Variants in KLF8 observed in about 807,000 individuals in gnomAD.
KLF8 encodes Krueppel-like factor 8.
In KLF8, 10 loss-of-function variants were observed where a neutral mutation model predicts 18.2. The observed-to-expected ratio is 0.55, with a 90% CI of 0.34 to 0.93. The LOEUF (loss-of-function observed/expected upper bound fraction) is 0.93, where lower values mean the gene tolerates loss of function less well. Among genes scored for constraint, KLF8 ranks in the 40% least tolerant of loss-of-function variants. KLF8 has a pLI of 0.02. For missense variants in KLF8, 264 were observed against 277.9 expected (o/e 0.95, Z 0.36); for synonymous variants, 109 against 97.3 (o/e 1.12, Z -0.71).
chrX:55,923,766 A>T, the KLF8 span, among the ~76,000 whole-genome samples: 1 of 109,598 alleles, frequency 9.1e-6, no homozygotes, highest in South Asian at 3.9e-4. Flanking sequence ...ATACACATAT[A>T]TATTTGTGTG....
chrX:56,196,381 A>T, the KLF8 span, among the ~76,000 whole-genome samples: 1 of 111,067 alleles, frequency 9.0e-6, no homozygotes, highest in African/African-American at 3.3e-5. Flanking sequence ...AAAGGGATGA[A>T]GGAAGATTTA....
At chrX:55,942,705 C>G in the KLF8 span, among the ~76,000 whole-genome samples, 5 of 110,962 alleles carry the variant, frequency 4.5e-5, no homozygotes, top group Non-Finnish European at 9.4e-5. Context: ...CATCTTTAGG[C>G]TGGTTCCTAG....
chrX:56,038,184 T>C, the KLF8 span, among the ~76,000 whole-genome samples: 2 of 112,489 alleles, frequency 1.8e-5, no homozygotes, highest in South Asian at 3.7e-4. Flanking sequence ...TGAATAGTAC[T>C]CCATTGTGTA....
At chrX:56,133,882 G>A in the KLF8 span, among the ~76,000 whole-genome samples, 5 of 105,874 alleles carry the variant, frequency 4.7e-5, no homozygotes, top group Admixed American at 4.1e-4. Flanking sequence ...TGATCAAGCT[G>A]AGAATTAAAT....
the KLF8 span, among the ~76,000 whole-genome samples, chrX:55,984,883 A>AT: frequency 9.3e-6 from 1 of 108,060 alleles, no homozygotes; most frequent in Non-Finnish European, 1.9e-5. Flanking sequence ...TGATGTTGAG[A>AT]TTTTTTTTCA....
chrX:56,082,174 G>T, the KLF8 span, among the ~76,000 whole-genome samples: 1 of 111,837 alleles, frequency 8.9e-6, no homozygotes, highest in Non-Finnish European at 1.9e-5. Flanking sequence ...TCGTGATCTA[G>T]TCTTGACAGG....
the KLF8 span, among the ~76,000 whole-genome samples, chrX:56,129,014 C>T: frequency 3.6e-5 from 4 of 111,758 alleles, no homozygotes; most frequent in Non-Finnish European, 7.5e-5. Context: ...AATCTTATAC[C>T]AGGTTACACT....
At chrX:55,997,590 C>A in the KLF8 span, among the ~76,000 whole-genome samples, 1 of 111,741 alleles carries the variant, frequency 8.9e-6, no homozygotes, top group Admixed American at 9.5e-5. Context: ...CTGTGTCCTC[C>A]CTCTGTCCAC....
chrX:56,138,503 T>C, the KLF8 span, among the ~76,000 whole-genome samples: 1 of 111,597 alleles, frequency 9.0e-6, no homozygotes, highest in Non-Finnish European at 1.9e-5. Context: ...GGATGCAAGG[T>C]TGGTTAAACA....
the KLF8 span, among the ~76,000 whole-genome samples, chrX:56,167,988 T>C: frequency 8.0e-5 from 9 of 112,170 alleles, no homozygotes; most frequent in African/African-American, 2.9e-4. Context: ...TAAATGGAGC[T>C]ATATCTCCAC....
At chrX:56,001,689 A>G in the KLF8 span, among the ~76,000 whole-genome samples, 1 of 111,926 alleles carries the variant, frequency 8.9e-6, no homozygotes, top group Admixed American at 9.5e-5. Context: ...CCTCATAGTC[A>G]TGCCTCAGCT....
At chrX:55,946,433 A>G in the KLF8 span, among the ~76,000 whole-genome samples, 1 of 111,998 alleles carries the variant, frequency 8.9e-6, no homozygotes, top group African/African-American at 3.2e-5. Context: ...GGCTAGCCAT[A>G]TGTGGAAAGC....
intron 1 of KLF8, among the ~76,000 whole-genome samples, chrX:56,245,898 A>C (rs1160385870): frequency 8.9e-6 from 1 of 112,353 alleles, no homozygotes; most frequent in Non-Finnish European, 1.9e-5. Flanking sequence ...AGCCTTCTTT[A>C]AGACCTTCTG....
chrX:56,039,372 G>T, the KLF8 span, among the ~76,000 whole-genome samples: 1 of 111,489 alleles, frequency 9.0e-6, no homozygotes, highest in Non-Finnish European at 1.9e-5. Context: ...AATCCCTCTT[G>T]AGTTAATTTT....
At chrX:56,080,935 T>C in the KLF8 span, among the ~76,000 whole-genome samples, 1 of 111,358 alleles carries the variant, frequency 9.0e-6, no homozygotes, top group Non-Finnish European at 1.9e-5. Context: ...TTCCAGTTGA[T>C]TGCATCGGCT....
At chrX:56,217,474 G>T in the KLF8 span, among the ~76,000 whole-genome samples, 5 of 109,883 alleles carry the variant, frequency 4.6e-5, no homozygotes, top group Admixed American at 2.0e-4. Context: ...GAGTGCGGTG[G>T]TGCGATCTTG....
the KLF8 span, among the ~76,000 whole-genome samples, chrX:56,190,360 A>G: frequency 9.0e-6 from 1 of 111,620 alleles, no homozygotes; most frequent in Admixed American, 9.6e-5. Context: ...AAAAAGAGAT[A>G]GACCCCAATA....
At chrX:56,243,293 T>C in intron 1 of KLF8, 1 of 394,229 alleles carries the variant, frequency 2.5e-6, no homozygotes, top group Non-Finnish European at 4.7e-6. Context: ...GTGGATCTTC[T>C]TTTTTGTGTG....
chrX:56,226,772 T>G, the KLF8 span, among the ~76,000 whole-genome samples: 2 of 112,213 alleles, frequency 1.8e-5, no homozygotes, highest in Non-Finnish European at 3.8e-5. Flanking sequence ...TTATTTCACC[T>G]TAGGAAGTAA....
Sources: gnomAD v4.1 joint callset for allele counts (sites outside exome capture counted in the v4.1 genomes callset) on GRCh38, gnomAD v4.1.1 for gene constraint, MANE v1.5 for transcripts, NCBI Gene and HGNC (gene_info 2026-07-23, HGNC 2026-07-21) for gene names.